The following PLEKHM3 variants were observed in gnomAD, a reference collection of about 807,000 sequenced individuals.
PLEKHM3 encodes the protein pleckstrin homology domain containing M3, also known as pleckstrin homology domain-containing family M member 3.
Under a neutral mutation model 81.8 loss-of-function variants are expected in PLEKHM3, and 45 were observed. That is an observed-to-expected ratio of 0.55 (90% CI 0.43 to 0.71). PLEKHM3 has a LOEUF of 0.71. Among genes scored for constraint, PLEKHM3 ranks in the 30% least tolerant of loss-of-function variants. The pLI is 0.00. For synonymous variants in PLEKHM3, 352 were observed against 356.4 expected (o/e 0.99, Z 0.14); for missense variants, 788 against 924.3 (o/e 0.85, Z 1.91).
chr2:207,980,628 G>T (rs913920940), intron 2 of PLEKHM3, among the ~76,000 whole-genome samples: 1 of 151,942 alleles, frequency 6.6e-6, no homozygotes, highest in African/African-American at 2.4e-5. Context: ...GAGTGCAATG[G>T]CGTTATCATG....
At chr2:207,860,301 G>C (rs1170741648) in intron 7 of PLEKHM3, among the ~76,000 whole-genome samples, 1 of 151,872 alleles carries the variant, frequency 6.6e-6, no homozygotes, top group African/African-American at 2.4e-5. Context: ...TTTTAGGAGA[G>C]GCTAAAAGGG....
intron 4 of PLEKHM3, among the ~76,000 whole-genome samples, chr2:207,941,622 G>C (rs961588758): frequency 4.6e-5 from 7 of 152,108 alleles, no homozygotes; most frequent in Non-Finnish European, 1.0e-4. Flanking sequence ...TAGATAGGTA[G>C]GATTACATCA....
chr2:207,923,880 C>CACACACACATATATATATATATAT (rs1319162543), intron 5 of PLEKHM3, among the ~76,000 whole-genome samples: 1 of 56,790 alleles, frequency 1.8e-5, no homozygotes, highest in Non-Finnish European at 3.2e-5. Context: ...CACACACACA[C>CACACACACATATATATATATATAT]ATATATATAT....
chr2:207,884,612 TA>T (rs1380549374), intron 6 of PLEKHM3, among the ~76,000 whole-genome samples: 2 of 152,314 alleles, frequency 1.3e-5, no homozygotes, highest in Non-Finnish European at 2.9e-5. Flanking sequence ...TCATTCCAAA[TA>T]AGTAAAAAAG....
At chr2:207,953,984 T>C (rs13006150) in intron 3 of PLEKHM3, among the ~76,000 whole-genome samples, 31,211 of 152,066 alleles carry the variant, frequency 0.21, 3,822 homozygotes, top group Middle Eastern at 0.34. Flanking sequence ...AAGAATCTCA[T>C]AGAAGTAAGT....
intron 5 of PLEKHM3, among the ~76,000 whole-genome samples, chr2:207,923,880 C>CACACACACACATATAT (rs1319162543): frequency 1.8e-5 from 1 of 56,790 alleles, no homozygotes; most frequent in African/African-American, 7.1e-5. Context: ...CACACACACA[C>CACACACACACATATAT]ATATATATAT....
chr2:207,993,178 T>C (rs1270494117), intron 2 of PLEKHM3, among the ~76,000 whole-genome samples: 1 of 152,138 alleles, frequency 6.6e-6, no homozygotes, highest in Non-Finnish European at 1.5e-5. Flanking sequence ...AAGGTTCCCA[T>C]AGAGAAGTGT....
intron 6 of PLEKHM3, among the ~76,000 whole-genome samples, chr2:207,875,767 T>A (rs889952192): frequency 1.3e-5 from 2 of 152,090 alleles, no homozygotes; most frequent in Non-Finnish European, 2.9e-5. Flanking sequence ...GACTCTAAGA[T>A]TCTGAGGCCA....
chr2:208,013,064 T>A (rs1692754043), intron 1 of PLEKHM3, among the ~76,000 whole-genome samples: 1 of 152,156 alleles, frequency 6.6e-6, no homozygotes, highest in South Asian at 2.1e-4. Flanking sequence ...TATACAAGCA[T>A]AAATAAGGAA....
At chr2:208,011,089 T>C (rs983055276) in intron 1 of PLEKHM3, among the ~76,000 whole-genome samples, 2 of 122,354 alleles carry the variant, frequency 1.6e-5, no homozygotes, top group East Asian at 5.1e-4. Flanking sequence ...AAAAACAAAA[T>C]AGATGTTGGC....
At chr2:207,925,116 T>G (rs77086088) in intron 5 of PLEKHM3, among the ~76,000 whole-genome samples, 2,896 of 150,822 alleles carry the variant, frequency 0.019, 96 homozygotes, top group African/African-American at 0.066. Flanking sequence ...TCTTAGGTGG[T>G]AGTATGAACA....
chr2:207,945,093 T>C (rs1251752004), intron 4 of PLEKHM3, among the ~76,000 whole-genome samples: 1 of 152,234 alleles, frequency 6.6e-6, no homozygotes, highest in African/African-American at 2.4e-5. Flanking sequence ...CTAATTACCT[T>C]CACATTACTA....
intron 3 of PLEKHM3, among the ~76,000 whole-genome samples, chr2:207,972,586 C>CAA (rs35602924): frequency 9.2e-4 from 55 of 59,562 alleles, no homozygotes; most frequent in African/African-American, 2.5e-3. Context: ...GACTCCGTCT[C>CAA]AAAAAAAAAA....
chr2:207,949,944 T>C (rs1167234136), intron 3 of PLEKHM3, among the ~76,000 whole-genome samples: 1 of 152,202 alleles, frequency 6.6e-6, no homozygotes, highest in East Asian at 1.9e-4. Flanking sequence ...ACATGCATTT[T>C]AAGAAAGCCT....
chr2:207,895,062 T>C (rs1688179018), intron 6 of PLEKHM3, among the ~76,000 whole-genome samples: 2 of 152,222 alleles, frequency 1.3e-5, no homozygotes, highest in Non-Finnish European at 2.9e-5. Flanking sequence ...AAGGGAGCTA[T>C]TATTAATCTA....
intron 1 of PLEKHM3, among the ~76,000 whole-genome samples, chr2:208,015,269 G>GC (rs1212188519): frequency 6.6e-6 from 1 of 152,054 alleles, no homozygotes; most frequent in African/African-American, 2.4e-5. Context: ...TACACACACA[G>GC]CCCCATAAGA....
At chr2:207,864,495 G>A (rs1197600336) in intron 6 of PLEKHM3, among the ~76,000 whole-genome samples, 1 of 152,140 alleles carries the variant, frequency 6.6e-6, no homozygotes, top group African/African-American at 2.4e-5. Context: ...TTAAAGAGAG[G>A]CACTAACAAA....
At chr2:207,836,990 T>TATG (rs2092322916) in intron 7 of PLEKHM3, among the ~76,000 whole-genome samples, 1 of 145,166 alleles carries the variant, frequency 6.9e-6, no homozygotes, top group African/African-American at 2.4e-5. Flanking sequence ...GAGTGCGGCT[T>TATG]TGCGTATGGC....
intron 6 of PLEKHM3, among the ~76,000 whole-genome samples, chr2:207,906,784 CAAAT>C (rs138131382): frequency 6.6e-6 from 1 of 151,538 alleles, no homozygotes; most frequent in Non-Finnish European, 1.5e-5. Context: ...GCGAGACTGT[CAAAT>C]AAATAAATAA....
Sources: gnomAD v4.1 joint callset for allele counts (sites outside exome capture counted in the v4.1 genomes callset) on GRCh38, gnomAD v4.1.1 for gene constraint, MANE v1.5 for transcripts, NCBI Gene and HGNC (gene_info 2026-07-23, HGNC 2026-07-21) for gene names.